Variants in LGR5 observed in about 807,000 individuals in gnomAD.
LGR5 encodes the protein leucine rich repeat containing G protein-coupled receptor 5.
Under a neutral mutation model 76.7 loss-of-function variants are expected in LGR5, and 54 were observed. That is an observed-to-expected ratio of 0.70 (90% CI 0.57 to 0.88). The LOEUF is 0.88. LGR5 is among the 40% of genes least tolerant of loss of function. The pLI, the probability that LGR5 is intolerant of heterozygous loss-of-function variation, is 0.00. For synonymous variants in LGR5, 406 were observed against 421.9 expected, an observed-to-expected ratio of 0.96 and a Z score of 0.46; for missense variants, 1,078 against 1,073.3, an observed-to-expected ratio of 1.00 and a Z score of -0.06.
chr12:71,511,027 A>G (rs1180200816), intron 2 of LGR5, among the ~76,000 whole-genome samples: 1 of 152,212 alleles, frequency 6.6e-6, no homozygotes, highest in Non-Finnish European at 1.5e-5. Flanking sequence ...GAATTCAAAT[A>G]AGAGCAATGG....
At chr12:71,563,198 C>A (rs1253147258) in intron 8 of LGR5, among the ~76,000 whole-genome samples, 1 of 152,180 alleles carries the variant, frequency 6.6e-6, no homozygotes, top group Non-Finnish European at 1.5e-5. Flanking sequence ...CATAAACTCT[C>A]CTCTCCTTGC....
chr12:71,542,797 T>A (rs1876949123), intron 4 of LGR5, among the ~76,000 whole-genome samples: 1 of 152,092 alleles, frequency 6.6e-6, no homozygotes, highest in Non-Finnish European at 1.5e-5. Context: ...AGTTTGGTCT[T>A]GAGCACTTGT....
chr12:71,504,719 A>G, intron 2 of LGR5, 34 bp downstream of exon 2: 1 of 1,469,702 alleles, frequency 6.8e-7, no homozygotes, highest in Non-Finnish European at 9.5e-7. Flanking sequence ...GCATCCAGTC[A>G]ACACTGGGCA....
intron 1 of LGR5, among the ~76,000 whole-genome samples, chr12:71,496,114 G>A (rs1565692211): frequency 1.3e-5 from 2 of 152,180 alleles, no homozygotes; most frequent in South Asian, 2.1e-4. Flanking sequence ...GCTCACGCCT[G>A]TAATCCCAGC....
chr12:71,578,997 G>C, intron 15 of LGR5, 68 bp downstream of exon 15: 8 of 1,405,718 alleles, frequency 5.7e-6, no homozygotes, highest in Non-Finnish European at 7.7e-6. Flanking sequence ...TATTATAGTG[G>C]TGTTCTAAAT....
Position 71,440,151 on chromosome 12 carries a change from C to T in LGR5, c.71C>T (p.Ser24Phe), listed in dbSNP as rs552023923. ...VLLQLATGGS[S>F]PRSGVLLRGC... Reference sequence around the variant, plus strand: ...CTGCAGCTGGCGACCGGGGGCAGCTCTCCCAGGTCTGGTGTGTTGCTGAGG... The same window carrying T: ...CTGCAGCTGGCGACCGGGGGCAGCTTTCCCAGGTCTGGTGTGTTGCTGAGG... Residue 24 changes from serine (S) to phenylalanine (F), a missense_variant, in exon 1 of 18, where the codon TCT becomes TTT. Ser to Phe is a radical substitution (Grantham distance 155). Transcript: ENST00000266674. The surrounding 1 kb of genome is among the most constrained non-coding windows in gnomAD (Gnocchi z 5.3). The T allele has an allele frequency of 1.5e-5, 24 of 1,610,616 alleles. No homozygotes were observed. Among genetic ancestry groups the T allele is most frequent in the Non-Finnish European group, 1.9e-5 (23 of 1,179,776 alleles).
intron 3 of LGR5, among the ~76,000 whole-genome samples, chr12:71,529,479 C>T (rs905858294): frequency 5.3e-5 from 8 of 152,120 alleles, no homozygotes; most frequent in African/African-American, 1.9e-4. Flanking sequence ...GGTCCCTCCC[C>T]CGACCTGTGA....
chr12:71,473,442 G>T (rs1473193889), intron 1 of LGR5, among the ~76,000 whole-genome samples: 1 of 151,996 alleles, frequency 6.6e-6, no homozygotes, highest in Non-Finnish European at 1.5e-5. Flanking sequence ...ATGGCATTTT[G>T]GTTAATTTCC....
In LGR5 at chr12:71,571,598, A is replaced by T. The variant is rs930033692; in HGVS notation, c.1136+19A>T. The T allele has an allele frequency of 3.2e-6, 5 of 1,572,374 alleles. 1 individual carries two copies. The Middle Eastern group carries it at 6.7e-4, about 211-fold the overall frequency. On this transcript the variant is annotated intron_variant, in intron 12 of 17. Transcript: ENST00000266674. ...AGAAAATGTAAGTCTAGAAGTCTCT[A>T]AGTCACCTAGCAAAAATCAAGAATC... is the stretch of plus-strand genomic sequence containing the variant.
rs1437347328 is a variant in LGR5 at position 71,585,999 on chromosome 12, A to G, written c.*1265A>G. On this transcript the variant is annotated 3_prime_UTR_variant, in exon 18 of 18. Coordinates refer to ENST00000266674, the MANE Select transcript of LGR5 (RefSeq NM_003667.4). The stretch of plus-strand genomic sequence containing the variant: ...TAGGTAGATTTATTTTTATATAAGC[A>G]TGTTTATTTTGATCAGATGTTTTAA... 4 of 152,334 alleles carry G rather than the reference A, an allele frequency of 2.6e-5. No homozygotes were observed. In the East Asian group the frequency reaches 7.7e-4, roughly 29 times the overall value. 9.4% of individuals were successfully genotyped at this position (152,334 alleles called of 1,614,324 possible).
At chr12:71,567,819 G>A (rs1477221118) in intron 11 of LGR5, among the ~76,000 whole-genome samples, 4 of 152,162 alleles carry the variant, frequency 2.6e-5, no homozygotes, top group Admixed American at 2.0e-4. Context: ...CACATCTGAA[G>A]AAAGGGAGTA....
At position 71,583,762 on chromosome 12, in the gene LGR5, A is replaced by T. The variant is rs142182177; in HGVS notation, c.1752A>T (p.Arg584Ser). The change falls in exon 18 of 18, where the codon AGA becomes AGT. Residue 584 changes from arginine to serine, a missense_variant. Transcript: ENST00000266674. ...CTTTGGTGACTTCAACAGTTTTCAG[A>T]TCCCCTCTGTACATTTCCCCCATTA... ...CNALVTSTVF[R>S]SPLYISPIKL... 6.8e-6 allele frequency: 11 copies of T among 1,613,902 alleles called. No individual in the cohort carries two copies. Among genetic ancestry groups the T allele is most frequent in the Non-Finnish European group, 8.5e-6 (10 of 1,180,030 alleles).
At chr12:71,445,481 T>C (rs746426877) in intron 1 of LGR5, among the ~76,000 whole-genome samples, 10 of 152,182 alleles carry the variant, frequency 6.6e-5, no homozygotes, top group Non-Finnish European at 1.2e-4. Flanking sequence ...AATTTAACCA[T>C]TGTAAATAAC....
chr12:71,549,732 C>T (rs2030903), intron 4 of LGR5, among the ~76,000 whole-genome samples: 4,038 of 152,248 alleles, frequency 0.027, 184 homozygotes, highest in African/African-American at 0.093. Flanking sequence ...TTATTGAGAG[C>T]TTCTTATATG....
intron 2 of LGR5, among the ~76,000 whole-genome samples, chr12:71,523,600 T>C (rs927069403): frequency 6.6e-6 from 1 of 152,236 alleles, no homozygotes. Flanking sequence ...ATTGTTGTTT[T>C]TGCATTTTTC....
At chr12:71,476,361 T>C (rs911290867) in intron 1 of LGR5, among the ~76,000 whole-genome samples, 1 of 152,148 alleles carries the variant, frequency 6.6e-6, no homozygotes, top group South Asian at 2.1e-4. Context: ...TCTGAGTAAA[T>C]TGCTTAACTT....
intron 1 of LGR5, among the ~76,000 whole-genome samples, chr12:71,454,464 T>A (rs1872379766): frequency 6.6e-6 from 1 of 152,144 alleles, no homozygotes; most frequent in African/African-American, 2.4e-5. Flanking sequence ...AAAAGTCGAA[T>A]AATTTCCAAT....
chr12:71,542,887 A>G (rs1448151877), intron 4 of LGR5, among the ~76,000 whole-genome samples: 1 of 152,080 alleles, frequency 6.6e-6, no homozygotes, highest in African/African-American at 2.4e-5. Flanking sequence ...AAAAAGTAAA[A>G]TCTAGTTTAG....
intron 8 of LGR5, among the ~76,000 whole-genome samples, chr12:71,564,698 A>G (rs1328032117): frequency 7.0e-5 from 1 of 14,314 alleles, no homozygotes; most frequent in African/African-American, 8.7e-5. Context: ...ACATATATGT[A>G]CACACACTGT....
Sources: gnomAD v4.1 joint callset for allele counts (sites outside exome capture counted in the v4.1 genomes callset) on GRCh38, gnomAD v4.1.1 for gene constraint, Gnocchi (gnomAD v3.1) non-coding constraint, MANE v1.5 for transcripts, NCBI Gene and HGNC (gene_info 2026-07-23, HGNC 2026-07-21) for gene names.